Variants in DGKG observed in about 807,000 individuals in gnomAD.
DGKG encodes diacylglycerol kinase gamma.
DGKG carries 78 observed loss-of-function variants against 105.3 expected under a neutral mutation model. The observed-to-expected ratio is 0.74, with a 90% CI of 0.62 to 0.89. The LOEUF (loss-of-function observed/expected upper bound fraction) is 0.89. Among genes scored for constraint, DGKG ranks in the 40% least tolerant of loss-of-function variants. The pLI, the probability that DGKG is intolerant of heterozygous loss-of-function variation, is 0.00. For synonymous variants in DGKG, 346 were observed against 367.1 expected, an observed-to-expected ratio of 0.94 and a Z score of 0.66; for missense variants, 958 against 1,020.1, an observed-to-expected ratio of 0.94 and a Z score of 0.83.
chr3:186,302,233 C>A lies in DGKG; in HGVS notation c.145-4004G>T, dbSNP rs138075302. ...CTCCTGGAAGTAGTGAGAATGTCTC[C>A]TTTCATCTTTGAATCCCCCACACCA... On this transcript the variant is annotated intron_variant, in intron 3 of 24. Coordinates refer to ENST00000265022, the MANE Select transcript of DGKG (RefSeq NM_001346.3). Among the ~76,000 whole-genome samples the A allele has an allele frequency of 1.4e-3, 210 of 152,010 alleles. 1 individual carries two copies. The highest frequency in any genetic ancestry group is 4.6e-3 in the African/African-American group (191 of 41,470).
chr3:186,353,610 T>C (rs1726748328), intron 1 of DGKG, among the ~76,000 whole-genome samples: 1 of 146,356 alleles, frequency 6.8e-6, no homozygotes, highest in African/African-American at 2.5e-5. Context: ...CACATACACA[T>C]ATATATAGAC....
chr3:186,148,505 T>C lies in DGKG; in HGVS notation c.*1585A>G, dbSNP rs569056010. The C allele has an allele frequency of 3.0e-6, 3 of 985,464 alleles. No homozygotes were observed. The African/African-American group carries it at 5.2e-5, about 17-fold the overall frequency. The allele number at this position is 985,464 out of a possible 1,614,324, so 61.0% of individuals were successfully genotyped here. On this transcript the variant is annotated 3_prime_UTR_variant, in exon 25 of 25. Coordinates refer to ENST00000265022, the MANE Select transcript of DGKG (RefSeq NM_001346.3). Reference sequence around the variant, plus strand: ...GGATATCCCATCCACGCATGTGCTGTACGTTTGTTCCTCCCTGGCAACCTG... The same window carrying C: ...GGATATCCCATCCACGCATGTGCTGCACGTTTGTTCCTCCCTGGCAACCTG...
intron 1 of DGKG, among the ~76,000 whole-genome samples, chr3:186,357,438 G>C (rs551006150): frequency 3.3e-5 from 5 of 151,112 alleles, no homozygotes; most frequent in Admixed American, 6.6e-5. Context: ...GATAAATAAA[G>C]AGAAAAGGCT....
At chr3:186,303,628 TGGG>T (rs1724082258) in intron 3 of DGKG, among the ~76,000 whole-genome samples, 1 of 152,198 alleles carries the variant, frequency 6.6e-6, no homozygotes, top group African/African-American at 2.4e-5. Flanking sequence ...GTGGCAGAGC[TGGG>T]CTTTGTGATC....
intron 22 of DGKG, among the ~76,000 whole-genome samples, chr3:186,178,620 C>G (rs1007663798): frequency 6.6e-6 from 1 of 152,240 alleles, no homozygotes; most frequent in African/African-American, 2.4e-5. Context: ...TCCTGAGGCA[C>G]ATTTCCACCT....
intron 22 of DGKG, among the ~76,000 whole-genome samples, chr3:186,184,813 A>C (rs1341901320): frequency 6.6e-6 from 1 of 152,106 alleles, no homozygotes; most frequent in Non-Finnish European, 1.5e-5. Flanking sequence ...AACTCCAATG[A>C]AACTGCCAAG....
chr3:186,347,477 G>A (rs979141272), intron 1 of DGKG, among the ~76,000 whole-genome samples: 1 of 147,386 alleles, frequency 6.8e-6, no homozygotes, highest in African/African-American at 2.5e-5. Flanking sequence ...AAAAGGAAAT[G>A]ATTAAACCAT....
chr3:186,262,850 T>C (rs890628876), intron 14 of DGKG, among the ~76,000 whole-genome samples: 1 of 152,106 alleles, frequency 6.6e-6, no homozygotes, highest in African/African-American at 2.4e-5. Flanking sequence ...AATTTTTGGC[T>C]GGGCATGATC....
intron 9 of DGKG, among the ~76,000 whole-genome samples, chr3:186,276,003 CATCT>C (rs1004579969): frequency 6.4e-4 from 97 of 150,704 alleles, no homozygotes; most frequent in African/African-American, 1.7e-3. Flanking sequence ...TATTATCTAT[CATCT>C]ATCTATCTAT....
At chr3:186,343,033 G>A (rs573802859) in intron 1 of DGKG, among the ~76,000 whole-genome samples, 9 of 152,224 alleles carry the variant, frequency 5.9e-5, no homozygotes, top group African/African-American at 2.2e-4. Flanking sequence ...AGCTGAAAGT[G>A]ATCTGAAATA....
chr3:186,281,582 C>T (rs1384920629), intron 7 of DGKG, among the ~76,000 whole-genome samples: 1 of 152,044 alleles, frequency 6.6e-6, no homozygotes, highest in Non-Finnish European at 1.5e-5. Flanking sequence ...AATGCCGGGT[C>T]CAAATAGCAA....
At chr3:186,189,560 G>A (rs1478661617) in intron 21 of DGKG, among the ~76,000 whole-genome samples, 2 of 152,102 alleles carry the variant, frequency 1.3e-5, no homozygotes, top group African/African-American at 4.8e-5. Flanking sequence ...TCTTTATGTT[G>A]TTTATTGGGA....
intron 2 of DGKG, among the ~76,000 whole-genome samples, chr3:186,310,866 C>T (rs932162210): frequency 3.9e-5 from 6 of 152,128 alleles, no homozygotes; most frequent in African/African-American, 1.4e-4. Context: ...TTATTTAAAT[C>T]CCCACAACTA....
chr3:186,196,245 C>T (rs1718177052), intron 21 of DGKG, among the ~76,000 whole-genome samples: 1 of 150,794 alleles, frequency 6.6e-6, no homozygotes, highest in Non-Finnish European at 1.5e-5. Context: ...TCAAGTGATT[C>T]TCCTGCCTCA....
rs1242447679 is a variant in DGKG, at chr3:186,210,577, G to T, written c.1917+1218C>A. On this transcript the variant is annotated intron_variant, in intron 21 of 24. Transcript: ENST00000265022. The surrounding 1 kb of genome is among the most constrained non-coding windows in gnomAD (Gnocchi z 5.2). ...GCAGGCAGATGAGTCAAATGCAGCC[G>T]CACAGAACCTCTGGCTTCGTGTTTT... 2 of 453,810 alleles carry T rather than the reference G, an allele frequency of 4.4e-6. No homozygotes were observed. The highest frequency in any genetic ancestry group is 1.4e-4 in the East Asian group (2 of 14,314). 28.1% of individuals were successfully genotyped at this position (453,810 alleles called of 1,614,324 possible).
At chr3:186,274,940 C>T (rs1360379608) in intron 10 of DGKG, among the ~76,000 whole-genome samples, 1 of 152,120 alleles carries the variant, frequency 6.6e-6, no homozygotes, top group African/African-American at 2.4e-5. Context: ...ATTTCTAGTT[C>T]TAGATCCTTG....
chr3:186,348,585 G>A (rs1422919304), intron 1 of DGKG, among the ~76,000 whole-genome samples: 1 of 151,376 alleles, frequency 6.6e-6, no homozygotes, highest in Non-Finnish European at 1.5e-5. Context: ...CCAAGTAGCT[G>A]GGACTCCAGG....
At chr3:186,188,123 A>G (rs1356335197) in intron 22 of DGKG, 79 bp downstream of exon 22, 7 of 1,533,096 alleles carry the variant, frequency 4.6e-6, no homozygotes, top group Non-Finnish European at 6.3e-6. Context: ...GTGGGGCCTT[A>G]CGAGGCCTGC....
chr3:186,316,075 A>T (rs1724804007), intron 2 of DGKG, among the ~76,000 whole-genome samples: 1 of 152,266 alleles, frequency 6.6e-6, no homozygotes, highest in Non-Finnish European at 1.5e-5. Context: ...ATGAAGGAAC[A>T]CTAAGGTCCC....
Sources: gnomAD v4.1 joint callset for allele counts (sites outside exome capture counted in the v4.1 genomes callset) on GRCh38, gnomAD v4.1.1 for gene constraint, Gnocchi (gnomAD v3.1) non-coding constraint, MANE v1.5 for transcripts, NCBI Gene and HGNC (gene_info 2026-07-23, HGNC 2026-07-21) for gene names.